Variants in NRG2 observed in about 807,000 individuals in gnomAD.
NRG2 encodes the protein neuregulin 2.
A neutral mutation model predicts 73.9 loss-of-function variants in NRG2; 27 were observed. The ratio of observed to expected loss-of-function variants is 0.37; its 90% CI spans 0.27 to 0.50. NRG2 has a LOEUF of 0.50. Ranked by LOEUF, NRG2 falls within the 20% of genes least tolerant of loss-of-function variation. NRG2 has a pLI of 0.96. For synonymous variants in NRG2, 532 were observed against 541.0 expected, an observed-to-expected ratio of 0.98 and a Z score of 0.23; for missense variants, 1,126 against 1,210.1, an observed-to-expected ratio of 0.93 and a Z score of 1.03.
chr5:139,878,511 C>G (rs1763325717), intron 3 of NRG2, among the ~76,000 whole-genome samples: 1 of 152,176 alleles, frequency 6.6e-6, no homozygotes, highest in Non-Finnish European at 1.5e-5. Context: ...AAGAATGAGG[C>G]CAACACATAG....
Position 140,030,890 on chromosome 5 carries a change from A to G in NRG2, c.700+11480T>C, listed in dbSNP as rs76171337. 8.2e-3 allele frequency among the ~76,000 whole-genome samples: 1,245 copies of G among 152,304 alleles called. 19 individuals are homozygous for G. The highest frequency in any genetic ancestry group is 0.028 in the African/African-American group (1,170 of 41,560). On this transcript the variant is annotated intron_variant, in intron 1 of 9. Transcript: ENST00000361474. ...GTACTTGGCCAAGACAACTTAATGT[A>G]TATGTTACTAAGAGACCAGTGAATG...
chr5:140,015,905 C>A (rs1163956108), intron 1 of NRG2, among the ~76,000 whole-genome samples: 1 of 152,208 alleles, frequency 6.6e-6, no homozygotes, highest in East Asian at 1.9e-4. Flanking sequence ...AACCCAGAAA[C>A]TGGAAAATCA....
chr5:140,023,591 G>A (rs577808527), intron 1 of NRG2, among the ~76,000 whole-genome samples: 10 of 152,294 alleles, frequency 6.6e-5, no homozygotes, highest in South Asian at 6.2e-4. Flanking sequence ...CAAGATATAT[G>A]ATTACTAGAC....
intron 1 of NRG2, among the ~76,000 whole-genome samples, chr5:140,017,751 T>C (rs1375908619): frequency 6.6e-6 from 1 of 151,886 alleles, no homozygotes; most frequent in East Asian, 1.9e-4. Context: ...TTCAAGGAGA[T>C]TGGTTGCGAA....
At position 140,043,044 on chromosome 5, in the gene NRG2, A is replaced by C; in HGVS notation, c.26T>G (p.Leu9Arg). The C allele has an allele frequency of 3.3e-6, 5 of 1,523,710 alleles. No individual in the cohort carries two copies. Among genetic ancestry groups the C allele is most frequent in the Non-Finnish European group, 4.4e-6 (5 of 1,140,410 alleles). 94.4% of individuals were successfully genotyped at this position (1,523,710 alleles called of 1,614,324 possible). A position where few individuals can be genotyped will look rare whatever the true frequency, so the allele number is the denominator to read the frequency against. The part of the protein sequence containing the change: MRQVCCSA[L>R]PPPPLEKGRC... ...ACCCTTCTCCAGTGGCGGCGGCGGCAGCGCTGAGCAGCAAACCTGCCGCAT... is the reference window on the plus strand; with the variant it reads ...ACCCTTCTCCAGTGGCGGCGGCGGCCGCGCTGAGCAGCAAACCTGCCGCAT... The change falls in exon 1 of 10, where the codon CTG becomes CGG. Residue 9 changes from leucine to arginine, a missense_variant. Leu to Arg is a moderately radical substitution (Grantham distance 102). Coordinates refer to ENST00000361474, the MANE Select transcript of NRG2 (RefSeq NM_004883.3). The surrounding 1 kb of genome is among the most constrained non-coding windows in gnomAD (Gnocchi z 6.7).
At chr5:139,882,144 A>G (rs536306504) in intron 2 of NRG2, among the ~76,000 whole-genome samples, 1 of 152,160 alleles carries the variant, frequency 6.6e-6, no homozygotes, top group Non-Finnish European at 1.5e-5. Context: ...AGATGGGGGA[A>G]TACGAGGGAG....
intron 1 of NRG2, among the ~76,000 whole-genome samples, chr5:139,985,160 T>C (rs1165057502): frequency 1.3e-5 from 2 of 151,898 alleles, no homozygotes; most frequent in African/African-American, 2.4e-5. Flanking sequence ...GCCAACATTG[T>C]GAAACCCCGT....
rs1055524667 is a variant in NRG2 at position 139,848,149 on chromosome 5, G to A, written c.2321C>T (p.Ala774Val). The A allele has an allele frequency of 1.2e-5, 17 of 1,452,674 alleles. No homozygotes were observed. The highest frequency in any genetic ancestry group is 1.4e-5 in the Non-Finnish European group (16 of 1,109,746). 90.0% of individuals were successfully genotyped at this position (1,452,674 alleles called of 1,614,324 possible). Reference sequence around the variant, plus strand: ...GTCCGCGTCGTCGTCCGACGCCGAGGCTGAGCCGCCGCCCGAGCCGCTGCT... The same window carrying A: ...GTCCGCGTCGTCGTCCGACGCCGAGACTGAGCCGCCGCCCGAGCCGCTGCT... ...SLSSGSGGGS[A>V]SASDDDADDA... The change falls in exon 10 of 10, where the codon GCC becomes GTC. Residue 774 changes from alanine to valine, a missense_variant. Transcript: ENST00000361474.
chr5:139,897,713 G>C (rs1290016127), intron 1 of NRG2, among the ~76,000 whole-genome samples: 1 of 152,158 alleles, frequency 6.6e-6, no homozygotes, highest in Non-Finnish European at 1.5e-5. Flanking sequence ...ACTCGCTGGA[G>C]GGTGGGATCC....
chr5:139,860,694 G>T (rs1762095741), intron 5 of NRG2, among the ~76,000 whole-genome samples: 1 of 152,198 alleles, frequency 6.6e-6, no homozygotes, highest in Non-Finnish European at 1.5e-5. Context: ...TCCTCAACTG[G>T]TGGACAAATT....
chr5:140,003,840 A>G (rs1580922508), intron 1 of NRG2, among the ~76,000 whole-genome samples: 1 of 152,194 alleles, frequency 6.6e-6, no homozygotes, highest in Non-Finnish European at 1.5e-5. Flanking sequence ...ACCATCCTGG[A>G]TTCCTCCTTT....
At chr5:139,903,856 G>A (rs1765040737) in intron 1 of NRG2, among the ~76,000 whole-genome samples, 1 of 152,240 alleles carries the variant, frequency 6.6e-6, no homozygotes, top group Non-Finnish European at 1.5e-5. Context: ...GGAGGGAGGT[G>A]TGGCACATGG....
intron 9 of NRG2, 52 bp from the exon 10 acceptor site, chr5:139,848,749 GGAGGGGGGGTTGGGGGTGGGGTAGGGT>G: frequency 2.7e-6 from 3 of 1,101,172 alleles, no homozygotes; most frequent in Non-Finnish European, 3.6e-6. Flanking sequence ...CCGGCGCGGG[GGAGGGGGGGTTGGGGGTGGGGTAGGGT>G]GGGAGGGGCG....
rs1350039256 is a variant in NRG2, at chr5:139,870,577, AG to A, written c.1112+1143del. Among the ~76,000 whole-genome samples, 1 of 152,148 alleles carries A rather than the reference AG, an allele frequency of 6.6e-6. No individual in the cohort carries two copies. The highest frequency in any genetic ancestry group is 1.9e-4 in the East Asian group (1 of 5,184). On this transcript the variant is annotated intron_variant, in intron 4 of 9. Transcript: ENST00000361474. The surrounding 1 kb of genome is among the most constrained non-coding windows in gnomAD (Gnocchi z 4.4). ...GTTGAGTCTGACCTTGCCTGGGGGA[AG>A]GTCAAACATCTCTCTCTGAATCCCC...
chr5:139,866,186 T>C (rs953496652), intron 4 of NRG2, among the ~76,000 whole-genome samples: 4 of 152,174 alleles, frequency 2.6e-5, no homozygotes, highest in African/African-American at 9.7e-5. Context: ...AAGAGATGTT[T>C]TATCTGTTCT....
chr5:139,983,999 T>C (rs531446814), intron 1 of NRG2, among the ~76,000 whole-genome samples: 221 of 152,298 alleles, frequency 1.5e-3, no homozygotes, highest in African/African-American at 5.1e-3. Context: ...CACAGAAATG[T>C]CTCAACTGCA....
At chr5:139,997,709 A>C (rs1758126701) in intron 1 of NRG2, among the ~76,000 whole-genome samples, 1 of 152,264 alleles carries the variant, frequency 6.6e-6, no homozygotes. Flanking sequence ...ACCCTCACTC[A>C]GCCCTCAATG....
chr5:139,853,158 C>T lies in NRG2; in HGVS notation c.1293-131G>A. On this transcript the variant is annotated intron_variant, in intron 6 of 9. Transcript: ENST00000361474. This position sits in a 1 kb window ranked among gnomAD's most constrained non-coding sequence, Gnocchi z 4.1. The stretch of plus-strand genomic sequence containing the variant: ...GCCATGGCTACTGCTCGTCCCTGTA[C>T]TCAAGCTGCCCTACAGCATCACTAC... 8.1e-7 allele frequency: 1 copy of T among 1,229,044 alleles called. No individual in the cohort carries two copies. The highest frequency in any genetic ancestry group is 1.1e-6 in the Non-Finnish European group (1 of 874,090). The allele number at this position is 1,229,044 out of a possible 1,614,324, so 76.1% of individuals were successfully genotyped here.
chr5:139,936,207 C>T lies in NRG2; in HGVS notation c.701-48696G>A, dbSNP rs577316321. ...CAAGAAAATAAATGAAATAGAGACA[C>T]AAAAATAATAGAAAAAATCAATGAA... On this transcript the variant is annotated intron_variant, in intron 1 of 9. Transcript: ENST00000361474. Among the ~76,000 whole-genome samples the T allele has an allele frequency of 8.6e-5, 13 of 151,678 alleles. 1 individual carries two copies. In the South Asian group the frequency reaches 2.7e-3, roughly 32 times the overall value.
Sources: gnomAD v4.1 joint callset for allele counts (sites outside exome capture counted in the v4.1 genomes callset) on GRCh38, gnomAD v4.1.1 for gene constraint, Gnocchi (gnomAD v3.1) non-coding constraint, MANE v1.5 for transcripts, NCBI Gene and HGNC (gene_info 2026-07-23, HGNC 2026-07-21) for gene names.